The following UQCC1 variants were observed in gnomAD, a reference collection of about 807,000 sequenced individuals.
UQCC1 encodes ubiquinol-cytochrome c reductase complex assembly factor 1, also known as bFGF-repressed Zic-binding protein.
UQCC1 carries 38 observed loss-of-function variants against 48.0 expected under a neutral mutation model. That is an observed-to-expected ratio of 0.79 (90% CI 0.61 to 1.04). The LOEUF is 1.04. Among genes scored for constraint, UQCC1 ranks in the 50% least tolerant of loss-of-function variants. UQCC1 has a pLI of 0.00. For missense variants in UQCC1, 368 were observed against 381.8 expected (o/e 0.96, Z 0.30); for synonymous variants, 111 against 129.2 (o/e 0.86, Z 0.95).
Position 35,304,023 on chromosome 20 carries a change from CCT to C in UQCC1, c.810_811del (p.Glu272GlyfsTer60), listed in dbSNP as rs2060899992. 1.2e-5 allele frequency: 19 copies of C among 1,614,144 alleles called. No individual in the cohort carries two copies. The highest frequency in any genetic ancestry group is 1.5e-5 in the Non-Finnish European group (18 of 1,180,010). ...CACTAGAGGGCGCCAGCTCACCTCC[CCT>C]GTCAGAAGCAGATCCTCCCCGTTCA... On this transcript the variant is annotated frameshift_variant, in exon 10 of 10. Coordinates refer to ENST00000374385, the MANE Select transcript of UQCC1 (RefSeq NM_018244.5). LOFTEE classifies it high-confidence loss of function.
In UQCC1 at chr20:35,397,221, A is replaced by G. The variant is rs538269858; in HGVS notation, c.25-3025T>C. On this transcript the variant is annotated intron_variant, in intron 1 of 9. Transcript: ENST00000374385. ...GTCTCAAAAAAAAAAGAAAAAAAAA[A>G]AAAGAAAAATCAGGCCGGGCGCGGT... is the stretch of plus-strand genomic sequence containing the variant. Among the ~76,000 whole-genome samples the G allele has an allele frequency of 4.2e-3, 630 of 151,662 alleles. 2 individuals are homozygous for G. Among genetic ancestry groups the G allele is most frequent in the Non-Finnish European group, 7.2e-3 (487 of 67,936 alleles).
intron 6 of UQCC1, among the ~76,000 whole-genome samples, chr20:35,354,262 A>C (rs1233696392): frequency 6.6e-6 from 1 of 152,248 alleles, no homozygotes; most frequent in African/African-American, 2.4e-5. Flanking sequence ...CCAGAAATAT[A>C]AACTAAAGAT....
chr20:35,338,849 C>A (rs146188756), intron 7 of UQCC1, among the ~76,000 whole-genome samples: 1 of 64,756 alleles, frequency 1.5e-5, no homozygotes, highest in Non-Finnish European at 2.7e-5. Context: ...AAGACTCCGT[C>A]TCAAAAGAAA....
At chr20:35,403,401 A>G (rs1409435973) in intron 1 of UQCC1, among the ~76,000 whole-genome samples, 2 of 152,334 alleles carry the variant, frequency 1.3e-5, no homozygotes, top group East Asian at 3.9e-4. Flanking sequence ...ATGACACTCC[A>G]GTAGCAATAA....
At chr20:35,339,664 C>T (rs1359318908) in intron 7 of UQCC1, among the ~76,000 whole-genome samples, 1 of 152,058 alleles carries the variant, frequency 6.6e-6, no homozygotes, top group Non-Finnish European at 1.5e-5. Flanking sequence ...CTTTTCTCTC[C>T]AATTTTTTGC....
chr20:35,362,327 A>G (rs1221099669), intron 6 of UQCC1, among the ~76,000 whole-genome samples: 1 of 152,166 alleles, frequency 6.6e-6, no homozygotes, highest in Non-Finnish European at 1.5e-5. Context: ...GTCACATTTG[A>G]TCAGATGTGA....
intron 6 of UQCC1, among the ~76,000 whole-genome samples, chr20:35,352,274 G>C (rs978082233): frequency 1.3e-5 from 2 of 152,348 alleles, no homozygotes; most frequent in South Asian, 4.1e-4. Flanking sequence ...TGAATACCTA[G>C]ATTGTGGGGA....
intron 1 of UQCC1, among the ~76,000 whole-genome samples, chr20:35,403,616 G>A (rs2062202145): frequency 6.6e-6 from 1 of 152,184 alleles, no homozygotes; most frequent in African/African-American, 2.4e-5. Flanking sequence ...ACACACGTAT[G>A]TTTACTGAGG....
intron 1 of UQCC1, among the ~76,000 whole-genome samples, chr20:35,399,628 G>A (rs748955097): frequency 2.6e-5 from 4 of 152,042 alleles, no homozygotes; most frequent in East Asian, 3.9e-4. Flanking sequence ...GACCATAGGC[G>A]GGCAGATCAC....
chr20:35,339,824 G>T (rs961804044), intron 7 of UQCC1, among the ~76,000 whole-genome samples: 1 of 151,952 alleles, frequency 6.6e-6, no homozygotes, highest in Non-Finnish European at 1.5e-5. Flanking sequence ...TGTTGCAAAA[G>T]ATTCAGCATT....
At chr20:35,330,487 G>A (rs1329958713) in intron 7 of UQCC1, among the ~76,000 whole-genome samples, 2 of 152,202 alleles carry the variant, frequency 1.3e-5, no homozygotes. Context: ...CCTGGGTGGG[G>A]CTTCCTGCCA....
intron 7 of UQCC1, among the ~76,000 whole-genome samples, chr20:35,326,258 A>T (rs1220136160): frequency 6.6e-6 from 1 of 152,218 alleles, no homozygotes. Context: ...AGGAGGAGGA[A>T]AGGGGAGGCC....
intron 7 of UQCC1, among the ~76,000 whole-genome samples, chr20:35,317,959 C>T (rs2061080829): frequency 6.6e-6 from 1 of 152,202 alleles, no homozygotes; most frequent in South Asian, 2.1e-4. Context: ...CAGGCCAGAG[C>T]TAGAGTTCAT....
chr20:35,356,071 A>G (rs1339766288), intron 6 of UQCC1, among the ~76,000 whole-genome samples: 1 of 152,056 alleles, frequency 6.6e-6, no homozygotes, highest in Non-Finnish European at 1.5e-5. Context: ...TTCTGTAGAG[A>G]TGAGATGGGG....
chr20:35,370,044 C>T (rs530468878), intron 5 of UQCC1, among the ~76,000 whole-genome samples: 56 of 152,260 alleles, frequency 3.7e-4, no homozygotes, highest in Non-Finnish European at 7.1e-4. Flanking sequence ...AGTCAGCAAA[C>T]CGCAGTGTAC....
At chr20:35,355,657 G>A (rs1236433569) in intron 6 of UQCC1, among the ~76,000 whole-genome samples, 1 of 152,138 alleles carries the variant, frequency 6.6e-6, no homozygotes, top group Non-Finnish European at 1.5e-5. Context: ...TTTGATAACT[G>A]TTTTTAAAAG....
chr20:35,409,602 G>T (rs759045896), intron 1 of UQCC1: 1 of 159,876 alleles, frequency 6.3e-6, no homozygotes, highest in Non-Finnish European at 1.4e-5. Flanking sequence ...GAAATGATCA[G>T]CAATGCCCAG....
At chr20:35,378,436 G>C (rs1021515899) in intron 4 of UQCC1, among the ~76,000 whole-genome samples, 1 of 152,130 alleles carries the variant, frequency 6.6e-6, no homozygotes, top group East Asian at 1.9e-4. Context: ...AAGAGACCAG[G>C]GTGGCCAGTA....
chr20:35,396,764 T>A (rs969812303), intron 1 of UQCC1, among the ~76,000 whole-genome samples: 4 of 152,190 alleles, frequency 2.6e-5, no homozygotes, highest in Admixed American at 6.5e-5. Context: ...TCTCTCTTGC[T>A]AAATAAGAAG....
Sources: gnomAD v4.1 joint callset for allele counts (sites outside exome capture counted in the v4.1 genomes callset) on GRCh38, gnomAD v4.1.1 for gene constraint, MANE v1.5 for transcripts, NCBI Gene and HGNC (gene_info 2026-07-23, HGNC 2026-07-21) for gene names.